The following DNAJC16 variants were observed in gnomAD, a reference collection of about 807,000 sequenced individuals.
DNAJC16 encodes the protein DnaJ heat shock protein family (Hsp40) member C16, also known as dnaJ homolog subfamily C member 16.
In DNAJC16, 76 loss-of-function variants were observed where a neutral mutation model predicts 92.7. The observed-to-expected ratio is 0.82, with a 90% confidence interval of 0.68 to 0.99. The LOEUF (loss-of-function observed/expected upper bound fraction) is 0.99, where lower values mean the gene tolerates loss of function less well. Among genes scored for constraint, DNAJC16 ranks in the 50% least tolerant of loss-of-function variants. The probability of loss-of-function intolerance (pLI) is 0.00; values close to 1 mark genes in which losing one functional copy is unlikely to be tolerated. For synonymous variants in DNAJC16, 328 were observed against 358.7 expected (o/e 0.91, Z 0.97); for missense variants, 869 against 942.4 (o/e 0.92, Z 1.02).
intron 7 of DNAJC16, among the ~76,000 whole-genome samples, chr1:15,549,220 A>G (rs1202357077): frequency 6.6e-6 from 1 of 152,224 alleles, no homozygotes; most frequent in African/African-American, 2.4e-5. Context: ...CAGGTTTAGA[A>G]AGATAAGAAC....
At chr1:15,551,404 T>C (rs1307594260) in intron 7 of DNAJC16, among the ~76,000 whole-genome samples, 1 of 152,200 alleles carries the variant, frequency 6.6e-6, no homozygotes, top group Non-Finnish European at 1.5e-5. Flanking sequence ...TATGGTTATT[T>C]AGACTCGGGA....
intron 7 of DNAJC16, among the ~76,000 whole-genome samples, chr1:15,552,089 C>T (rs989342191): frequency 4.6e-5 from 7 of 151,712 alleles, no homozygotes; most frequent in Non-Finnish European, 2.9e-5. Context: ...CTAGGATGGT[C>T]TTGAACTCCT....
Position 15,562,228 on chromosome 1 carries a change from A to C in DNAJC16, c.1241A>C (p.Gln414Pro). The C allele has an allele frequency of 6.2e-7, 1 of 1,614,118 alleles. No homozygotes were observed. The highest frequency in any genetic ancestry group is 8.5e-7 in the Non-Finnish European group (1 of 1,179,986). The change falls in exon 9 of 15, where the codon CAA becomes CCA. Residue 414 changes from glutamine (Q) to proline (P), a missense_variant. Gln to Pro is a moderately conservative substitution (Grantham distance 76, BLOSUM62 -1). Coordinates refer to ENST00000375847, the MANE Select transcript of DNAJC16 (RefSeq NM_015291.4). ...CTGTCCTTTGCCCTGGCAAACACTCAAGACACAGTGAGATTTGTGCATGTC... is the reference window on the plus strand; with the variant it reads ...CTGTCCTTTGCCCTGGCAAACACTCCAGACACAGTGAGATTTGTGCATGTC... ...AFLSFALANT[Q>P]DTVRFVHVYS...
intron 6 of DNAJC16, 44 bp downstream of exon 6, chr1:15,546,915 C>CTTTTCTTTTCTT: frequency 1.1e-6 from 1 of 906,242 alleles, no homozygotes; most frequent in African/African-American, 2.1e-5. Context: ...CTTTTCTTTT[C>CTTTTCTTTTCTT]TTTTTTTTTT....
chr1:15,561,702 G>C, intron 8 of DNAJC16, among the ~76,000 whole-genome samples: 1 of 151,640 alleles, frequency 6.6e-6, no homozygotes, highest in Non-Finnish European at 1.5e-5. Flanking sequence ...TAAAATGAAA[G>C]GCCCTGCTGC....
intron 7 of DNAJC16, among the ~76,000 whole-genome samples, chr1:15,550,237 G>A (rs1459416074): frequency 6.6e-6 from 1 of 152,232 alleles, no homozygotes; most frequent in African/African-American, 2.4e-5. Context: ...AGGGTAAATG[G>A]ATGAGGATTT....
At chr1:15,559,689 T>C (rs759059453) in intron 8 of DNAJC16, 33 bp downstream of exon 8, 5 of 1,609,472 alleles carry the variant, frequency 3.1e-6, no homozygotes, top group Non-Finnish European at 3.4e-6. Flanking sequence ...CTGCTTGTTA[T>C]TACAATAGAA....
rs1441267149 is a variant in DNAJC16, at chr1:15,569,633, T to TTC, written c.*1457_*1458insCT. 1.4e-5 allele frequency: 2 copies of TTC among 142,332 alleles called. No individual in the cohort carries two copies. The highest frequency in any genetic ancestry group is 2.0e-4 in the East Asian group (1 of 5,080). The allele number at this position is 142,332 out of a possible 1,614,324, so 8.8% of individuals were successfully genotyped here. A position where few individuals can be genotyped will look rare whatever the true frequency, so the allele number is the denominator to read the frequency against. ...GATGGGACATTTACTAAGTATTTCT[T>TTC]TTTTTTTTTTTTTTTTTAGTTGTTG... On this transcript the variant is annotated 3_prime_UTR_variant, in exon 15 of 15. Transcript: ENST00000375847.
At position 15,536,655 on chromosome 1, in the gene DNAJC16, G is replaced by A; in HGVS notation, c.415G>A (p.Asp139Asn). The change falls in exon 4 of 15, where the codon GAC becomes AAC. Residue 139 changes from aspartate (D) to asparagine (N), a missense_variant. Coordinates refer to ENST00000375847, the MANE Select transcript of DNAJC16 (RefSeq NM_015291.4). ...TAATTCTGAACGGCGGGACTCAATTGACGAAAAGTATTTATTGCACTTTTC... is the reference window on the plus strand; with the variant it reads ...TAATTCTGAACGGCGGGACTCAATTAACGAAAAGTATTTATTGCACTTTTC... ...PFNSERRDSIDEKYLLHFSHY... is the reference protein window; with the variant it reads ...PFNSERRDSINEKYLLHFSHY... 6.2e-7 allele frequency: 1 copy of A among 1,613,948 alleles called. No individual in the cohort carries two copies. Among genetic ancestry groups the A allele is most frequent in the Non-Finnish European group, 8.5e-7 (1 of 1,180,000 alleles).
At chr1:15,545,166 T>C (rs1225879428) in intron 5 of DNAJC16, among the ~76,000 whole-genome samples, 18 of 152,318 alleles carry the variant, frequency 1.2e-4, no homozygotes, top group Admixed American at 1.1e-3. Flanking sequence ...TTTAAGCACC[T>C]AATATGTTTT....
chr1:15,536,588 T>C lies in DNAJC16; in HGVS notation c.348T>C (p.His116=), dbSNP rs1710793745. ...GAGAGTATCGCTTCCGCCATTTCCA[T>C]GAAAATTTTTATTTTGATGAATCCT... ...QQREYRFRHF[H]ENFYFDESFF... is the part of the protein sequence containing the mutation. Residue 116 remains histidine, a synonymous_variant, in exon 4 of 15, where the codon CAT becomes CAC. Coordinates refer to ENST00000375847, the MANE Select transcript of DNAJC16 (RefSeq NM_015291.4). 6.2e-7 allele frequency: 1 copy of C among 1,614,110 alleles called. No homozygotes were observed. Among genetic ancestry groups the C allele is most frequent in the South Asian group, 1.1e-5 (1 of 91,092 alleles).
chr1:15,529,178 G>C lies in DNAJC16; in HGVS notation c.73G>C (p.Ala25Pro). 1.2e-6 allele frequency: 2 copies of C among 1,614,140 alleles called. No individual in the cohort carries two copies. Among genetic ancestry groups the C allele is most frequent in the South Asian group, 1.1e-5 (1 of 91,084 alleles). ...GGTTCTGATCCTGCAAATTCTGTCTGCGTTGGATTTTGACCCATACAGAGT... is the reference window on the plus strand; with the variant it reads ...GGTTCTGATCCTGCAAATTCTGTCTCCGTTGGATTTTGACCCATACAGAGT... ...VLVLILQILS[A>P]LDFDPYRVLG... The change falls in exon 2 of 15, where the codon GCG becomes CCG. Residue 25 changes from alanine (A) to proline (P), a missense_variant. Coordinates refer to ENST00000375847, the MANE Select transcript of DNAJC16 (RefSeq NM_015291.4).
intron 6 of DNAJC16, among the ~76,000 whole-genome samples, chr1:15,548,061 GA>G (rs924975867): frequency 6.6e-6 from 1 of 152,148 alleles, no homozygotes; most frequent in African/African-American, 2.4e-5. Flanking sequence ...CTATGAAAAA[GA>G]AGAGAGTTGT....
intron 11 of DNAJC16, 178 bp from the exon 12 acceptor site, chr1:15,565,741 G>A (rs1638791393): frequency 1.6e-5 from 10 of 644,448 alleles, no homozygotes; most frequent in South Asian, 1.3e-4. Context: ...TTAGAACACT[G>A]AGCAATCTCT....
chr1:15,554,404 G>A (rs770609661), intron 7 of DNAJC16, among the ~76,000 whole-genome samples: 34 of 151,954 alleles, frequency 2.2e-4, no homozygotes, highest in Admixed American at 2.6e-4. Flanking sequence ...CTTTGTGATT[G>A]GTTCTTCCTT....
rs1638943983 is a variant in DNAJC16 at position 15,571,331 on chromosome 1, T to G, written c.*3154T>G. ...GTGATCTGTTTTTTTAGTGATTTCCTTTGTTTGGGAATAGAGATTGGAAGC... is the reference window on the plus strand; with the variant it reads ...GTGATCTGTTTTTTTAGTGATTTCCGTTGTTTGGGAATAGAGATTGGAAGC... On this transcript the variant is annotated 3_prime_UTR_variant, in exon 15 of 15. Coordinates refer to ENST00000375847, the MANE Select transcript of DNAJC16 (RefSeq NM_015291.4). 6.6e-6 allele frequency: 1 copy of G among 152,524 alleles called. No individual in the cohort carries two copies. Among genetic ancestry groups the G allele is most frequent in the African/African-American group, 2.4e-5 (1 of 41,478 alleles). 9.4% of individuals were successfully genotyped at this position (152,524 alleles called of 1,614,324 possible).
At chr1:15,552,443 C>G (rs1304964134) in intron 7 of DNAJC16, among the ~76,000 whole-genome samples, 1 of 151,090 alleles carries the variant, frequency 6.6e-6, no homozygotes, top group Non-Finnish European at 1.5e-5. Flanking sequence ...GAGCCAAGAT[C>G]GCGCCACTGC....
In DNAJC16 at chr1:15,568,099, G is replaced by C. The variant is rs1282618943; in HGVS notation, c.2271G>C (p.Lys757Asn). Residue 757 changes from lysine to asparagine, a missense_variant, in exon 15 of 15, where the codon AAG (lysine) becomes AAC (asparagine). Physicochemically the swap from Lys to Asn is moderately conservative, Grantham distance 94. Coordinates refer to ENST00000375847, the MANE Select transcript of DNAJC16 (RefSeq NM_015291.4). ...GGCCCATCAAAGGAAAGTTGAGCAA[G>C]CTCTCTTTATGGATGGAACGCCTGC... ...GSRPIKGKLSKLSLWMERLLE... is the reference protein window; with the variant it reads ...GSRPIKGKLSNLSLWMERLLE... 1.9e-6 allele frequency: 3 copies of C among 1,614,090 alleles called. No individual in the cohort carries two copies. The highest frequency in any genetic ancestry group is 1.7e-6 in the Non-Finnish European group (2 of 1,180,056).
At position 15,558,193 on chromosome 1, in the gene DNAJC16, T is replaced by TTTC. The variant is rs1553148626; in HGVS notation, c.1024-1330_1024-1328dup. Among the ~76,000 whole-genome samples the TTTC allele has an allele frequency of 4.2e-3, 475 of 112,712 alleles. 20 individuals carry two copies. The highest frequency in any genetic ancestry group is 8.9e-3 in the Middle Eastern group (2 of 224). The allele number at this position is 112,712 out of a possible 152,430, so 73.9% of individuals were successfully genotyped here. A position where few individuals can be genotyped will look rare whatever the true frequency, so the allele number is the denominator to read the frequency against. ...GCCCTTTTTTTTTTTTTTTTTTTTT[T>TTTC]TTCTTGAGACAGGGTCTCAGTCTGT... On this transcript the variant is annotated intron_variant, in intron 7 of 14. Transcript: ENST00000375847.
Sources: gnomAD v4.1 joint callset for allele counts (sites outside exome capture counted in the v4.1 genomes callset) on GRCh38, gnomAD v4.1.1 for gene constraint, MANE v1.5 for transcripts, NCBI Gene and HGNC (gene_info 2026-07-23, HGNC 2026-07-21) for gene names.